CPNE4: variants seen among roughly 807,000 people sequenced by gnomAD.
CPNE4 encodes copine 4.
CPNE4 carries 25 observed loss-of-function variants against 67.9 expected under a neutral mutation model. The ratio of observed to expected loss-of-function variants is 0.37; its 90% confidence interval spans 0.27 to 0.51. CPNE4 has a LOEUF of 0.51. CPNE4 is among the 20% of genes least tolerant of loss of function. CPNE4 has a pLI of 0.93. For missense variants in CPNE4, 464 were observed against 690.8 expected, an observed-to-expected ratio of 0.67 and a Z score of 3.68; for synonymous variants, 242 against 244.9, an observed-to-expected ratio of 0.99 and a Z score of 0.11.
intron 1 of CPNE4, among the ~76,000 whole-genome samples, chr3:131,914,659 A>T (rs1212722710): frequency 3.9e-5 from 6 of 152,154 alleles, no homozygotes; most frequent in South Asian, 2.1e-4. Flanking sequence ...TCAAACATAT[A>T]ATGTTCTATA....
At position 131,699,425 on chromosome 3, in the gene CPNE4, A is replaced by G. The variant is rs139469224; in HGVS notation, c.432+484T>C. Among the ~76,000 whole-genome samples the G allele has an allele frequency of 4.8e-4, 73 of 152,328 alleles. No individual in the cohort carries two copies. In the East Asian group the frequency reaches 8.1e-3, roughly 17 times the overall value. ...GAATCACACAGTAAACCTCCAAACT[A>G]TTATATCAAAGAGGAGTGTTAAATG... On this transcript the variant is annotated intron_variant, in intron 4 of 15. Coordinates refer to ENST00000429747, the MANE Select transcript of CPNE4 (RefSeq NM_130808.3).
chr3:131,656,272 A>G (rs1366169009), intron 7 of CPNE4, among the ~76,000 whole-genome samples: 1 of 152,180 alleles, frequency 6.6e-6, no homozygotes, highest in Non-Finnish European at 1.5e-5. Context: ...GTTCTCTGAG[A>G]CATGACAATG....
intron 2 of CPNE4, among the ~76,000 whole-genome samples, chr3:131,827,783 G>C (rs2085221796): frequency 6.6e-6 from 1 of 151,922 alleles, no homozygotes; most frequent in African/African-American, 2.4e-5. Flanking sequence ...AAAAATGAGA[G>C]AATTAAACAT....
intron 2 of CPNE4, among the ~76,000 whole-genome samples, chr3:131,854,474 T>A (rs1002012850): frequency 6.6e-6 from 1 of 151,960 alleles, no homozygotes; most frequent in African/African-American, 2.4e-5. Context: ...CAAATGACTA[T>A]GCATTGAACA....
intron 2 of CPNE4, among the ~76,000 whole-genome samples, chr3:131,746,412 C>T (rs2082490443): frequency 6.6e-6 from 1 of 152,094 alleles, no homozygotes; most frequent in African/African-American, 2.4e-5. Context: ...AACAATCTCT[C>T]TCCAAGGCCT....
At chr3:131,656,150 C>G (rs182525116) in intron 7 of CPNE4, among the ~76,000 whole-genome samples, 1 of 147,820 alleles carries the variant, frequency 6.8e-6, no homozygotes, top group Non-Finnish European at 1.5e-5. Flanking sequence ...TCTTCCCTTC[C>G]CTTCCTTTCC....
At chr3:131,709,970 A>G (rs1560157840) in intron 3 of CPNE4, among the ~76,000 whole-genome samples, 1 of 152,270 alleles carries the variant, frequency 6.6e-6, no homozygotes, top group South Asian at 2.1e-4. Flanking sequence ...CTTTCTTTCA[A>G]TGAGATCATT....
Position 131,535,145 on chromosome 3 carries a change from A to T in CPNE4, c.*50T>A, listed in dbSNP as rs756087822. 1 of 1,522,810 alleles carries T rather than the reference A, an allele frequency of 6.6e-7. No individual in the cohort carries two copies. Among genetic ancestry groups the T allele is most frequent in the African/African-American group, 1.4e-5 (1 of 72,174 alleles). The allele number at this position is 1,522,810 out of a possible 1,614,324, so 94.3% of individuals were successfully genotyped here. A position where few individuals can be genotyped will look rare whatever the true frequency, so the allele number is the denominator to read the frequency against. On this transcript the variant is annotated 3_prime_UTR_variant, in exon 16 of 16. Coordinates refer to ENST00000429747, the MANE Select transcript of CPNE4 (RefSeq NM_130808.3). ...GGAGTAGTAGAAGTATTAAATATGA[A>T]ATATTAGCAGGAATAGTATTTCAGA...
intron 2 of CPNE4, among the ~76,000 whole-genome samples, chr3:131,796,525 G>T (rs971165507): frequency 5.3e-5 from 8 of 152,142 alleles, no homozygotes; most frequent in Non-Finnish European, 7.3e-5. Flanking sequence ...AAATGATGAA[G>T]GTTGGAGAAA....
At chr3:131,753,565 G>T (rs1327074572) in intron 2 of CPNE4, among the ~76,000 whole-genome samples, 1 of 152,108 alleles carries the variant, frequency 6.6e-6, no homozygotes, top group Admixed American at 6.6e-5. Context: ...ATAATAAAAT[G>T]TTGAAAATTG....
intron 7 of CPNE4, among the ~76,000 whole-genome samples, chr3:131,650,802 A>G (rs2079798669): frequency 6.6e-6 from 1 of 151,428 alleles, no homozygotes; most frequent in South Asian, 2.1e-4. Context: ...TTTAAAACAT[A>G]CATACTATAT....
intron 1 of CPNE4, among the ~76,000 whole-genome samples, chr3:131,940,119 CA>C: frequency 6.6e-6 from 1 of 152,150 alleles, no homozygotes; most frequent in African/African-American, 2.4e-5. Flanking sequence ...GTTCAACTGG[CA>C]AGTGTAATTC....
chr3:131,993,472 C>CAAAAAAAGA (rs763312547), intron 1 of CPNE4, among the ~76,000 whole-genome samples: 4,337 of 60,482 alleles, frequency 0.072, 617 homozygotes, highest in African/African-American at 0.22. Flanking sequence ...GCAGGAGTGG[C>CAAAAAAAGA]AAAAAAAAAA....
intron 2 of CPNE4, among the ~76,000 whole-genome samples, chr3:131,799,379 T>C (rs1227953004): frequency 6.6e-6 from 1 of 152,120 alleles, no homozygotes; most frequent in African/African-American, 2.4e-5. Context: ...GAATCCTCCT[T>C]CACGGGCCTG....
At chr3:131,747,867 CTAGA>C (rs1224659784) in intron 2 of CPNE4, among the ~76,000 whole-genome samples, 1 of 152,070 alleles carries the variant, frequency 6.6e-6, no homozygotes, top group African/African-American at 2.4e-5. Flanking sequence ...ATTGTTCTGG[CTAGA>C]TACTCTAGCA....
intron 3 of CPNE4, among the ~76,000 whole-genome samples, chr3:131,703,219 AG>A (rs570787039): frequency 2.4e-4 from 37 of 152,340 alleles, no homozygotes; most frequent in African/African-American, 8.2e-4. Flanking sequence ...CAGAGTCACA[AG>A]GACTCTCACC....
chr3:131,893,998 A>T (rs998994117), intron 2 of CPNE4, among the ~76,000 whole-genome samples: 8 of 151,956 alleles, frequency 5.3e-5, no homozygotes, highest in African/African-American at 1.9e-4. Flanking sequence ...CTACAAAAAA[A>T]AGATTCAAAA....
At chr3:131,716,965 C>G (rs113412307) in intron 3 of CPNE4, among the ~76,000 whole-genome samples, 4,048 of 152,338 alleles carry the variant, frequency 0.027, 75 homozygotes, top group Middle Eastern at 0.044. Context: ...ACATCTGCAT[C>G]TAGCCATTCC....
chr3:131,838,375 G>C (rs2085639422), intron 2 of CPNE4, among the ~76,000 whole-genome samples: 1 of 151,798 alleles, frequency 6.6e-6, no homozygotes, highest in Non-Finnish European at 1.5e-5. Flanking sequence ...GAGCACCCAA[G>C]ATAATGCAAC....
Sources: allele counts gnomAD v4.1 joint callset (sites outside exome capture counted in the v4.1 genomes callset), GRCh38; gene constraint gnomAD v4.1.1; transcripts MANE v1.5; gene names NCBI Gene and HGNC (gene_info 2026-07-23, HGNC 2026-07-21).